Variants in MYBPHL observed in about 807,000 individuals in gnomAD.
MYBPHL encodes myosin-binding protein H-like.
A neutral mutation model predicts 39.5 loss-of-function variants in MYBPHL; 32 were observed. The ratio of observed to expected loss-of-function variants is 0.81; its 90% CI spans 0.61 to 1.09. The LOEUF (loss-of-function observed/expected upper bound fraction) is 1.09, where lower values mean the gene tolerates loss of function less well. Ranked by LOEUF, MYBPHL falls within the 50% of genes least tolerant of loss-of-function variation. MYBPHL has a pLI of 0.00. For missense variants in MYBPHL, 456 were observed against 460.2 expected (o/e 0.99, Z 0.08); for synonymous variants, 196 against 183.7 (o/e 1.07, Z -0.54).
intron 1 of MYBPHL, among the ~76,000 whole-genome samples, chr1:109,300,928 C>T (rs1658253928): frequency 6.6e-6 from 1 of 152,168 alleles, no homozygotes; most frequent in African/African-American, 2.4e-5. Flanking sequence ...CCAGCAGGCT[C>T]CCGGCTCCCT....
Position 109,295,286 on chromosome 1 carries a change from G to C in MYBPHL, c.879C>G (p.Ile293Met). The change falls in exon 7 of 9, where the codon ATC becomes ATG. Residue 293 changes from isoleucine (I) to methionine (M), a missense_variant. Transcript: ENST00000357155. ...GGATATCCATCTTGTTCTTCAGCCA[G>C]ATGATCTTGGGCTGGAAGACAAAGA... ...CVRASPRPKI[I>M]WLKNKMDIQG... 8 of 1,613,888 alleles carry C rather than the reference G, an allele frequency of 5.0e-6. No individual in the cohort carries two copies. The highest frequency in any genetic ancestry group is 6.8e-6 in the Non-Finnish European group (8 of 1,179,844).
chr1:109,292,702 G>A (rs1657910790), intron 8 of MYBPHL, 114 bp from the exon 9 acceptor site: 1 of 152,236 alleles, frequency 6.6e-6, no homozygotes, highest in African/African-American at 2.4e-5. Context: ...GCGCTTTCCT[G>A]AGAAGTCTGT....
chr1:109,297,650 C>T lies in MYBPHL; in HGVS notation c.235-33G>A, dbSNP rs1469951481. The stretch of plus-strand genomic sequence containing the variant: ...ATGAGGGTAATGCTTTGAGCAGCCC[C>T]GAGAGGCTTCCTGACTCTCCCTGCT... On this transcript the variant is annotated intron_variant, in intron 2 of 8. Coordinates refer to ENST00000357155, the MANE Select transcript of MYBPHL (RefSeq NM_001010985.3). The T allele has an allele frequency of 7.6e-6, 12 of 1,582,082 alleles. 1 individual carries two copies. Among genetic ancestry groups the T allele is most frequent in the South Asian group, 6.9e-5 (6 of 87,332 alleles).
intron 1 of MYBPHL, among the ~76,000 whole-genome samples, chr1:109,302,803 C>T (rs1329473161): frequency 6.6e-6 from 1 of 151,792 alleles, no homozygotes; most frequent in African/African-American, 2.4e-5. Flanking sequence ...GCTAACTGGC[C>T]AAAAAAAATG....
intron 1 of MYBPHL, among the ~76,000 whole-genome samples, chr1:109,302,026 T>G (rs911094483): frequency 6.6e-6 from 1 of 151,804 alleles, no homozygotes; most frequent in Non-Finnish European, 1.5e-5. Context: ...GGTGTGTGTG[T>G]GTTTGTATGA....
intron 5 of MYBPHL, 40 bp downstream of exon 5, chr1:109,296,743 C>T: frequency 6.2e-7 from 1 of 1,613,070 alleles, no homozygotes; most frequent in Non-Finnish European, 8.5e-7. Context: ...CCGGCCTATC[C>T]TTAAGTCTTC....
intron 8 of MYBPHL, among the ~76,000 whole-genome samples, chr1:109,293,758 A>ATT (rs1657949037): frequency 6.7e-6 from 1 of 149,088 alleles, no homozygotes; most frequent in Non-Finnish European, 1.5e-5. Flanking sequence ...TAAATAAATA[A>ATT]ATAAATATAA....
At chr1:109,302,090 C>A (rs528550009) in intron 1 of MYBPHL, among the ~76,000 whole-genome samples, 1 of 151,104 alleles carries the variant, frequency 6.6e-6, no homozygotes, top group Non-Finnish European at 1.5e-5. Flanking sequence ...TGTTTGTGTA[C>A]GTGCATGAAT....
intron 5 of MYBPHL, among the ~76,000 whole-genome samples, 193 bp from the exon 6 acceptor site, chr1:109,296,563 T>C (rs559565603): frequency 3.6e-4 from 54 of 152,086 alleles, no homozygotes; most frequent in South Asian, 1.0e-3. Context: ...CTTAGCCTCC[T>C]GAGTAGCTGG....
intron 2 of MYBPHL, 40 bp from the exon 3 acceptor site, chr1:109,297,657 C>T (rs1188121331): frequency 6.4e-7 from 1 of 1,561,824 alleles, no homozygotes; most frequent in Admixed American, 1.8e-5. Context: ...CCCCGAGAGG[C>T]TTCCTGACTC....
In MYBPHL at chr1:109,302,014, A is replaced by C. The variant is rs1030070060; in HGVS notation, c.146-3757T>G. 2.0e-5 allele frequency among the ~76,000 whole-genome samples: 3 copies of C among 151,832 alleles called. No homozygotes were observed. The East Asian group carries it at 5.8e-4, about 29-fold the overall frequency. On this transcript the variant is annotated intron_variant, in intron 1 of 8. Coordinates refer to ENST00000357155, the MANE Select transcript of MYBPHL (RefSeq NM_001010985.3). ...AGATGGAAGCATTGGAGAAGTGGAG[A>C]GGGTGTGTGTGTGTTTGTATGAGTG... is the stretch of plus-strand genomic sequence containing the variant.
At chr1:109,298,280 A>G (rs1658160813) in intron 1 of MYBPHL, 23 bp from the exon 2 acceptor site, 2 of 1,594,914 alleles carry the variant, frequency 1.3e-6, no homozygotes, top group Non-Finnish European at 8.6e-7. Flanking sequence ...AAGAGAGAGA[A>G]TAGGAGATGG....
At chr1:109,297,713 G>C (rs1658134325) in intron 2 of MYBPHL, 96 bp from the exon 3 acceptor site, 1 of 1,144,586 alleles carries the variant, frequency 8.7e-7, no homozygotes, top group Non-Finnish European at 1.2e-6. Context: ...CCACAGGGAG[G>C]CTTGACTTGG....
chr1:109,297,843 T>C (rs2101476186), intron 2 of MYBPHL, among the ~76,000 whole-genome samples: 1 of 152,270 alleles, frequency 6.6e-6, no homozygotes, highest in South Asian at 2.1e-4. Flanking sequence ...TCTGAGAGCT[T>C]AGGTCATGAA....
At chr1:109,297,325 C>G in intron 3 of MYBPHL, 97 bp downstream of exon 3, 1 of 1,556,934 alleles carries the variant, frequency 6.4e-7, no homozygotes, top group Non-Finnish European at 8.7e-7. Flanking sequence ...GACGTGGGAG[C>G]CTTGCCGCAG....
rs1438063313 is a variant in MYBPHL, at chr1:109,296,910, G to A, written c.603C>T (p.Arg201=). The change falls in exon 5 of 9, where the codon CGC becomes CGT. Residue 201 remains arginine, a synonymous_variant. Coordinates refer to ENST00000357155, the MANE Select transcript of MYBPHL (RefSeq NM_001010985.3). ...LWFTVLEHYH[R]TSCIVSDLII... is the part of the protein sequence containing the mutation. ...TGAGGTCAGAGACGATGCAGCTGGT[G>A]CGGTGATAGTGCTCCAGCACCGTGA... 1 of 1,614,168 alleles carries A rather than the reference G, an allele frequency of 6.2e-7. No individual in the cohort carries two copies. The highest frequency in any genetic ancestry group is 2.2e-5 in the East Asian group (1 of 44,866).
At chr1:109,294,280 A>T in intron 7 of MYBPHL, 31 bp from the exon 8 acceptor site, 1 of 1,606,148 alleles carries the variant, frequency 6.2e-7, no homozygotes, top group Non-Finnish European at 8.5e-7. Flanking sequence ...CTCAGTGTTA[A>T]CATCTCAGAA....
chr1:109,295,032 C>T, intron 7 of MYBPHL, 79 bp downstream of exon 7: 1 of 1,484,110 alleles, frequency 6.7e-7, no homozygotes, highest in South Asian at 1.2e-5. Context: ...AGGCTTGCGT[C>T]TCTGTTCCCT....
intron 2 of MYBPHL, 128 bp from the exon 3 acceptor site, chr1:109,297,745 G>T: frequency 1.2e-6 from 1 of 814,868 alleles, no homozygotes; most frequent in Non-Finnish European, 1.9e-6. Context: ...CCTTGAGTTA[G>T]AAGTTGGTGG....
Sources: allele counts gnomAD v4.1 joint callset (sites outside exome capture counted in the v4.1 genomes callset), GRCh38; gene constraint gnomAD v4.1.1; transcripts MANE v1.5; gene names NCBI Gene and HGNC (gene_info 2026-07-23, HGNC 2026-07-21).